The following TNFSF10 variants were observed in gnomAD, a reference collection of about 807,000 sequenced individuals.
TNFSF10 encodes tumor necrosis factor ligand superfamily member 10.
A neutral mutation model predicts 29.5 loss-of-function variants in TNFSF10; 13 were observed. The observed-to-expected ratio is 0.44, with a 90% CI of 0.29 to 0.70. The LOEUF (loss-of-function observed/expected upper bound fraction) is 0.70, where lower values mean the gene tolerates loss of function less well. TNFSF10 is among the 30% of genes least tolerant of loss of function. TNFSF10 has a pLI of 0.13. For synonymous variants in TNFSF10, 111 were observed against 112.8 expected (o/e 0.98, Z 0.10); for missense variants, 345 against 330.9 (o/e 1.04, Z -0.33).
chr3:172,509,393 G>A, intron 3 of TNFSF10, 72 bp from the exon 4 acceptor site: 1 of 1,199,762 alleles, frequency 8.3e-7, no homozygotes, highest in Non-Finnish European at 1.2e-6. Context: ...CTTCATAGGT[G>A]TTGTCAATCA....
chr3:172,506,618 A>G lies in TNFSF10; in HGVS notation c.720T>C (p.Tyr240=). Residue 240 remains tyrosine, a synonymous_variant, in exon 5 of 5, where the codon TAT becomes TAC. Transcript: ENST00000241261. ...CWSKDAEYGL[Y]SIYQGGIFEL... The stretch of plus-strand genomic sequence containing the variant: ...CAAATATTCCCCCTTGATAGATGGA[A>G]TAGAGTCCATATTCTGCATCTTTAG... 1 of 1,614,180 alleles carries G rather than the reference A, an allele frequency of 6.2e-7. No individual in the cohort carries two copies. Among genetic ancestry groups the G allele is most frequent in the Non-Finnish European group, 8.5e-7 (1 of 1,180,012 alleles).
intron 2 of TNFSF10, among the ~76,000 whole-genome samples, chr3:172,513,821 A>T (rs778629443): frequency 6.7e-6 from 1 of 148,706 alleles, no homozygotes; most frequent in Non-Finnish European, 1.5e-5. Flanking sequence ...ATATTTTCAC[A>T]TAGGCAGAAG....
At chr3:172,519,701 G>T (rs1713597620) in intron 1 of TNFSF10, among the ~76,000 whole-genome samples, 1 of 152,194 alleles carries the variant, frequency 6.6e-6, no homozygotes, top group African/African-American at 2.4e-5. Flanking sequence ...ACAAGAGTCT[G>T]CCTCATCCAT....
Position 172,506,392 on chromosome 3 carries a change from T to C in TNFSF10, c.*100A>G. ...AGGTTTTTTTGTTTTCTGTTTTCTG[T>C]TTGTTTGTTTTGGTCAGATTTTTTG... On this transcript the variant is annotated 3_prime_UTR_variant, in exon 5 of 5. Coordinates refer to ENST00000241261, the MANE Select transcript of TNFSF10 (RefSeq NM_003810.4). The C allele has an allele frequency of 7.1e-7, 1 of 1,408,450 alleles. No individual in the cohort carries two copies. The highest frequency in any genetic ancestry group is 9.5e-7 in the Non-Finnish European group (1 of 1,052,468). The allele number at this position is 1,408,450 out of a possible 1,614,324, so 87.2% of individuals were successfully genotyped here. A position where few individuals can be genotyped will look rare whatever the true frequency, so the allele number is the denominator to read the frequency against.
At chr3:172,514,652 A>G (rs1479038615) in intron 2 of TNFSF10, among the ~76,000 whole-genome samples, 1 of 152,242 alleles carries the variant, frequency 6.6e-6, no homozygotes, top group African/African-American at 2.4e-5. Context: ...ACTCTAGACC[A>G]GGAGTCGGCC....
chr3:172,517,914 G>C (rs757264342), intron 1 of TNFSF10: 1 of 985,398 alleles, frequency 1.0e-6, no homozygotes, highest in Non-Finnish European at 1.2e-6. Context: ...GAAATCCAGA[G>C]AGGAAGCCCC....
Position 172,506,756 on chromosome 3 carries a change from C to T in TNFSF10, c.582G>A (p.Glu194=), listed in dbSNP as rs773649186. The T allele has an allele frequency of 2.5e-6, 4 of 1,613,950 alleles. No individual in the cohort carries two copies. The South Asian group carries it at 4.4e-5, about 18-fold the overall frequency. The change falls in exon 5 of 5, where the codon GAG becomes GAA. Residue 194 remains glutamate, a synonymous_variant. Coordinates refer to ENST00000241261, the MANE Select transcript of TNFSF10 (RefSeq NM_003810.4). The stretch of plus-strand genomic sequence containing the variant: ...CGTTCTTTGTGTTTTCTTTTATTTC[C>T]TCCTGAAATCGAAAGTATGTTTGGG... ...IYSQTYFRFQ[E]EIKENTKNDK...
At chr3:172,515,089 G>C in intron 1 of TNFSF10, 91 bp from the exon 2 acceptor site, 1 of 1,559,360 alleles carries the variant, frequency 6.4e-7, no homozygotes, top group Non-Finnish European at 8.7e-7. Flanking sequence ...ACTGATAGCA[G>C]ACTTAAAGAA....
chr3:172,508,569 A>T (rs1038483672), intron 4 of TNFSF10, among the ~76,000 whole-genome samples: 1 of 152,010 alleles, frequency 6.6e-6, no homozygotes, highest in African/African-American at 2.4e-5. Context: ...CAAAGAAGAG[A>T]AGTGCAGAGG....
At chr3:172,514,739 C>G in intron 2 of TNFSF10, 122 bp downstream of exon 2, 1 of 1,345,060 alleles carries the variant, frequency 7.4e-7, no homozygotes, top group Non-Finnish European at 1.0e-6. Flanking sequence ...TACTCTGGGC[C>G]TAAGTTTTCT....
chr3:172,507,023 C>G, intron 4 of TNFSF10, 104 bp from the exon 5 acceptor site: 2 of 985,010 alleles, frequency 2.0e-6, no homozygotes, highest in Non-Finnish European at 2.9e-6. Flanking sequence ...TTGGGCTTGC[C>G]AGGGATTTCA....
chr3:172,519,360 G>A (rs992640926), intron 1 of TNFSF10, among the ~76,000 whole-genome samples: 2 of 135,340 alleles, frequency 1.5e-5, no homozygotes, highest in Admixed American at 1.5e-4. Flanking sequence ...ACAATTGCAT[G>A]AGTCAGTTGA....
rs1712949506 is a variant in TNFSF10 at position 172,505,678 on chromosome 3, A to T, written c.*814T>A. On this transcript the variant is annotated 3_prime_UTR_variant, in exon 5 of 5. Transcript: ENST00000241261. ...ATATGAGCACTACAGCAAACATGAC[A>T]TACTGTAATAGAATTTTATTGAAAA... 1 of 151,932 alleles carries T rather than the reference A, an allele frequency of 6.6e-6. No homozygotes were observed. Among genetic ancestry groups the T allele is most frequent in the South Asian group, 2.1e-4 (1 of 4,816 alleles). 9.4% of individuals were successfully genotyped at this position (151,932 alleles called of 1,614,324 possible).
chr3:172,509,409 C>T lies in TNFSF10; in HGVS notation c.314-88G>A, dbSNP rs3815496. On this transcript the variant is annotated intron_variant, in intron 3 of 4. Transcript: ENST00000241261. ...TTCATAGGTGTTGTCAATCAGCCAT[C>T]GTAAGCATACTGGGCTTCCAAAGTT... 0.68 allele frequency: 661,093 copies of T among 967,966 alleles called. 226,639 individuals are homozygous for T. Among genetic ancestry groups the T allele is most frequent in the African/African-American group, 0.78 (47,482 of 60,984 alleles). The allele number at this position is 967,966 out of a possible 1,614,324, so 60.0% of individuals were successfully genotyped here. A position where few individuals can be genotyped will look rare whatever the true frequency, so the allele number is the denominator to read the frequency against.
In TNFSF10 at chr3:172,509,293, C is replaced by T; in HGVS notation, c.342G>A (p.Val114=). The T allele has an allele frequency of 1.2e-6, 2 of 1,613,770 alleles. No individual in the cohort carries two copies. Among genetic ancestry groups the T allele is most frequent in the Non-Finnish European group, 1.7e-6 (2 of 1,179,852 alleles). The change falls in exon 4 of 5, where the codon GTG becomes GTA. Residue 114 remains valine (V), a synonymous_variant. Transcript: ENST00000241261. ...QEKQQNISPL[V]RERGPQRVAA... ...CTACTCTCTGAGGACCTCTTTCTCT[C>T]ACTAGGGGAGAAATATTTTGTTGCT...
chr3:172,519,721 A>T (rs1713598009), intron 1 of TNFSF10, among the ~76,000 whole-genome samples: 2 of 152,238 alleles, frequency 1.3e-5, no homozygotes, highest in Middle Eastern at 3.2e-3. Context: ...TTTCCAAAAG[A>T]AAAATTTCCG....
At chr3:172,511,881 C>T (rs1461663608) in intron 2 of TNFSF10, among the ~76,000 whole-genome samples, 1 of 152,196 alleles carries the variant, frequency 6.6e-6, no homozygotes, top group Admixed American at 6.5e-5. Flanking sequence ...GGGATGGTCC[C>T]CTGCCTGGGA....
At chr3:172,512,767 GA>G (rs1213388183) in intron 2 of TNFSF10, among the ~76,000 whole-genome samples, 1 of 152,194 alleles carries the variant, frequency 6.6e-6, no homozygotes, top group East Asian at 1.9e-4. Context: ...ACAGGAAAAA[GA>G]AAAGGGTCTT....
chr3:172,507,027 G>T, intron 4 of TNFSF10, 108 bp from the exon 5 acceptor site: 2 of 921,602 alleles, frequency 2.2e-6, no homozygotes, highest in Non-Finnish European at 3.2e-6. Flanking sequence ...GCTTGCCAGG[G>T]ATTTCAATCT....
Sources: gnomAD v4.1 joint callset for allele counts (sites outside exome capture counted in the v4.1 genomes callset) on GRCh38, gnomAD v4.1.1 for gene constraint, MANE v1.5 for transcripts, NCBI Gene and HGNC (gene_info 2026-07-23, HGNC 2026-07-21) for gene names.